The following HS6ST2 variants were observed in gnomAD, a reference collection of about 807,000 sequenced individuals.
HS6ST2 encodes heparan-sulfate 6-O-sulfotransferase 2.
Under a neutral mutation model 33.0 loss-of-function variants are expected in HS6ST2, and 17 were observed. The observed-to-expected ratio is 0.52, with a 90% CI of 0.35 to 0.77. HS6ST2 has a LOEUF of 0.77. Among genes scored for constraint, HS6ST2 ranks in the 30% least tolerant of loss-of-function variants. The pLI, the probability that HS6ST2 is intolerant of heterozygous loss-of-function variation, is 0.01. For missense variants in HS6ST2, 519 were observed against 551.7 expected (o/e 0.94, Z 0.59); for synonymous variants, 248 against 237.1 (o/e 1.05, Z -0.42).
At chrX:132,711,991 A>G in intron 2 of HS6ST2, among the ~76,000 whole-genome samples, 1 of 111,828 alleles carries the variant, frequency 8.9e-6, no homozygotes, top group Admixed American at 9.5e-5. Flanking sequence ...ACACTTCCAT[A>G]TAACAGCTAG....
At chrX:132,670,063 T>G (rs1188710603) in intron 3 of HS6ST2, among the ~76,000 whole-genome samples, 2 of 111,168 alleles carry the variant, frequency 1.8e-5, no homozygotes, top group Non-Finnish European at 3.8e-5. Flanking sequence ...CACTTGAAGA[T>G]GTGTGGAATT....
chrX:132,862,372 A>G (rs894546840), intron 2 of HS6ST2, among the ~76,000 whole-genome samples: 1 of 112,280 alleles, frequency 8.9e-6, no homozygotes, highest in Non-Finnish European at 1.9e-5. Context: ...GGATACAAAA[A>G]GAGCAGGCAC....
chrX:132,819,123 C>T (rs1283606862), intron 2 of HS6ST2, among the ~76,000 whole-genome samples: 1 of 110,720 alleles, frequency 9.0e-6, no homozygotes, highest in Non-Finnish European at 1.9e-5. Context: ...CCATTGTCCC[C>T]ACACTGAGAA....
At chrX:132,832,724 T>A (rs2148390059) in intron 2 of HS6ST2, among the ~76,000 whole-genome samples, 1 of 112,111 alleles carries the variant, frequency 8.9e-6, no homozygotes, top group African/African-American at 3.2e-5. Context: ...TGCTACTAAC[T>A]TATATACACT....
intron 2 of HS6ST2, among the ~76,000 whole-genome samples, chrX:132,867,721 C>G (rs1041196270): frequency 2.7e-5 from 3 of 111,753 alleles, no homozygotes; most frequent in Non-Finnish European, 5.6e-5. Context: ...AAATCCTTTA[C>G]AGACGAGCAA....
intron 2 of HS6ST2, among the ~76,000 whole-genome samples, chrX:132,925,802 G>A (rs769325007): frequency 1.8e-5 from 2 of 112,016 alleles, no homozygotes; most frequent in Non-Finnish European, 3.8e-5. Context: ...GAAACCAGAA[G>A]CTAAATAATG....
chrX:132,787,191 A>G (rs1295325390), intron 2 of HS6ST2, among the ~76,000 whole-genome samples: 12 of 84,032 alleles, frequency 1.4e-4, no homozygotes, highest in Non-Finnish European at 2.1e-4. Context: ...ATATATACAT[A>G]TATATATACA....
At chrX:132,919,007 TC>T (rs897509745) in intron 2 of HS6ST2, among the ~76,000 whole-genome samples, 2 of 111,980 alleles carry the variant, frequency 1.8e-5, no homozygotes, top group Non-Finnish European at 3.8e-5. Context: ...AAAATTACCT[TC>T]CCAATTATGT....
Position 132,957,167 on chromosome X carries a change from C to A in HS6ST2, c.588G>T (p.Ser196=). 8.3e-7 allele frequency: 1 copy of A among 1,211,725 alleles called. No homozygotes were observed. Among genetic ancestry groups the A allele is most frequent in the East Asian group, 3.0e-5 (1 of 33,813 alleles). ...FSSPVPDPYR[S]EDESSARFVP... is the part of the protein sequence containing the mutation. ...CGAACCTGGCGGAGCTCTCATCCTC[C>A]GAGCGGTACGGGTCCGGCACCGGGG... Residue 196 remains serine (S), a synonymous_variant, in exon 2 of 5, where the codon TCG becomes TCT. Coordinates refer to ENST00000370833, the MANE Select transcript of HS6ST2 (RefSeq NM_001394073.1).
intron 2 of HS6ST2, among the ~76,000 whole-genome samples, chrX:132,716,680 CG>C (rs1203111178): frequency 8.9e-6 from 1 of 112,077 alleles, no homozygotes; most frequent in Admixed American, 9.4e-5. Context: ...AAAGAAAGAA[CG>C]AATAAGGAAT....
intron 2 of HS6ST2, among the ~76,000 whole-genome samples, chrX:132,776,176 AATTG>A (rs1476542594): frequency 1.8e-5 from 2 of 112,160 alleles, no homozygotes; most frequent in African/African-American, 3.2e-5. Context: ...GTGCCGGCAA[AATTG>A]ATTGAGAACA....
intron 4 of HS6ST2, among the ~76,000 whole-genome samples, chrX:132,647,603 T>G (rs2148177883): frequency 8.9e-6 from 1 of 112,449 alleles, no homozygotes; most frequent in South Asian, 3.7e-4. Flanking sequence ...GTCTTTGGCA[T>G]CCATCTCCTC....
intron 2 of HS6ST2, among the ~76,000 whole-genome samples, chrX:132,909,620 G>A (rs1018640008): frequency 2.7e-5 from 3 of 111,768 alleles, no homozygotes; most frequent in Non-Finnish European, 5.6e-5. Context: ...GGTACACACT[G>A]TGAAGTCATT....
In HS6ST2 at chrX:132,627,606, A is replaced by G. The variant is rs2063488296; in HGVS notation, c.*617T>C. 8.9e-6 allele frequency: 1 copy of G among 112,653 alleles called. No homozygotes were observed. The highest frequency in any genetic ancestry group is 3.2e-5 in the African/African-American group (1 of 30,977). 9.3% of individuals were successfully genotyped at this position (112,653 alleles called of 1,213,427 possible). A position where few individuals can be genotyped will look rare whatever the true frequency, so the allele number is the denominator to read the frequency against. ...TTTTAAACATCTCTTAAATATCAAG[A>G]TATGAGTCCTGTTCTTGAAAAGCCA... On this transcript the variant is annotated 3_prime_UTR_variant, in exon 5 of 5. Coordinates refer to ENST00000370833, the MANE Select transcript of HS6ST2 (RefSeq NM_001394073.1).
rs761309250 is a variant in HS6ST2 at position 132,730,202 on chromosome X, A to G, written c.948-21708T>C. On this transcript the variant is annotated intron_variant, in intron 2 of 4. Transcript: ENST00000370833. ...TTCTCTTCCCTTACACTGCGCTGCC[A>G]CTACAATAACACAGCAGCTATCATT... Among the ~76,000 whole-genome samples, 17 of 111,961 alleles carry G rather than the reference A, an allele frequency of 1.5e-4. No individual in the cohort carries two copies. The East Asian group carries it at 4.5e-3, about 30-fold the overall frequency.
chrX:132,870,929 C>T (rs935942696), intron 2 of HS6ST2, among the ~76,000 whole-genome samples: 3 of 111,114 alleles, frequency 2.7e-5, no homozygotes, highest in African/African-American at 9.8e-5. Flanking sequence ...TCTAATTAAA[C>T]TAAACAGCTG....
intron 2 of HS6ST2, among the ~76,000 whole-genome samples, chrX:132,901,849 T>C (rs979219755): frequency 3.6e-5 from 4 of 111,053 alleles, no homozygotes; most frequent in African/African-American, 1.3e-4. Flanking sequence ...GAGAGATATG[T>C]TGAGGGGAAA....
At chrX:132,686,777 G>T (rs754979251) in intron 3 of HS6ST2, among the ~76,000 whole-genome samples, 3 of 111,949 alleles carry the variant, frequency 2.7e-5, no homozygotes, top group South Asian at 3.8e-4. Context: ...TAATTAAAAT[G>T]TGGTGATGAT....
chrX:132,960,585 G>A (rs2067136105), upstream of HS6ST2, among the ~76,000 whole-genome samples: 1 of 109,465 alleles, frequency 9.1e-6, no homozygotes, highest in African/African-American at 3.3e-5. Context: ...GAAAAGTCAG[G>A]TTTTACTCAT....
Sources: allele counts gnomAD v4.1 joint callset (sites outside exome capture counted in the v4.1 genomes callset), GRCh38; gene constraint gnomAD v4.1.1; transcripts MANE v1.5; gene names NCBI Gene and HGNC (gene_info 2026-07-23, HGNC 2026-07-21).